The following ATF7IP2 variants were observed in gnomAD, a reference collection of about 807,000 sequenced individuals.
ATF7IP2 encodes the protein activating transcription factor 7-interacting protein 2.
ATF7IP2 carries 42 observed loss-of-function variants against 64.2 expected under a neutral mutation model. The observed-to-expected ratio is 0.65, with a 90% CI of 0.51 to 0.85. The LOEUF is 0.85. Ranked by LOEUF, ATF7IP2 falls within the 40% of genes least tolerant of loss-of-function variation. The pLI, the probability that ATF7IP2 is intolerant of heterozygous loss-of-function variation, is 0.00. For missense variants in ATF7IP2, 933 were observed against 784.2 expected (o/e 1.19, Z -2.27); for synonymous variants, 308 against 272.8 (o/e 1.13, Z -1.27).
At chr16:10,400,133 C>T (rs568561307) in intron 1 of ATF7IP2, among the ~76,000 whole-genome samples, 5 of 152,268 alleles carry the variant, frequency 3.3e-5, no homozygotes, top group South Asian at 2.1e-4. Flanking sequence ...TTCCATCGCC[C>T]GGGCTCAAGC....
chr16:10,437,884 A>C (rs1171473917), intron 6 of ATF7IP2, among the ~76,000 whole-genome samples: 3 of 152,242 alleles, frequency 2.0e-5, no homozygotes, highest in African/African-American at 7.2e-5. Flanking sequence ...TTTAATTTCT[A>C]ACATGTCCAG....
rs190575813 is a variant in ATF7IP2 at position 10,459,251 on chromosome 16, G to A, written c.1352+1722G>A. 1.9e-3 allele frequency among the ~76,000 whole-genome samples: 291 copies of A among 152,128 alleles called. 1 individual carries two copies. The highest frequency in any genetic ancestry group is 6.1e-3 in the African/African-American group (255 of 41,498). On this transcript the variant is annotated intron_variant, in intron 9 of 13. Transcript: ENST00000562102. The stretch of plus-strand genomic sequence containing the variant: ...TCGGAGGCCTAGGTGGGTGGATCAC[G>A]AGGTCAGGAGATGAAGACCATCCTG...
At chr16:10,408,448 T>A (rs2047686570) in intron 1 of ATF7IP2, among the ~76,000 whole-genome samples, 1 of 152,210 alleles carries the variant, frequency 6.6e-6, no homozygotes, top group Non-Finnish European at 1.5e-5. Flanking sequence ...CTAGTTTACA[T>A]TCCCACCAGC....
chr16:10,399,617 TAATGC>T (rs1410049141), intron 1 of ATF7IP2, among the ~76,000 whole-genome samples: 3 of 152,252 alleles, frequency 2.0e-5, no homozygotes, highest in African/African-American at 7.2e-5. Flanking sequence ...AGAAGTCAGG[TAATGC>T]AATATCTTCA....
rs866400988 is a variant in ATF7IP2 at position 10,412,024 on chromosome 16, T to G, written c.-241-2550T>G. 5.3e-4 allele frequency among the ~76,000 whole-genome samples: 77 copies of G among 145,456 alleles called. 1 individual carries two copies. The highest frequency in any genetic ancestry group is 7.0e-3 in the Middle Eastern group (2 of 284). On this transcript the variant is annotated intron_variant, in intron 1 of 13. Coordinates refer to ENST00000562102, the MANE Select transcript of ATF7IP2 (RefSeq NM_001393719.1). ...TATCTTTTTTTGTTTTTTTTTTTTT[T>G]TTTTTTTTTTTTTTTACACTTTTAA...
At chr16:10,463,565 A>G (rs544155649) in intron 9 of ATF7IP2, among the ~76,000 whole-genome samples, 5 of 152,290 alleles carry the variant, frequency 3.3e-5, no homozygotes, top group African/African-American at 1.2e-4. Flanking sequence ...AGCTATGTGA[A>G]CAAGCCGTTT....
intron 1 of ATF7IP2, among the ~76,000 whole-genome samples, chr16:10,408,111 A>C (rs2353907): frequency 0.79 from 120,508 of 151,848 alleles, 48,675 homozygotes; most frequent in African/African-American, 0.95. Flanking sequence ...GGGGTTTCAC[A>C]ATGTTGGCCA....
At chr16:10,467,673 T>G (rs1300113799) in intron 9 of ATF7IP2, among the ~76,000 whole-genome samples, 3 of 151,786 alleles carry the variant, frequency 2.0e-5, no homozygotes, top group Non-Finnish European at 4.4e-5. Context: ...TTCAAGCGAT[T>G]CTCCTGCCTC....
chr16:10,428,097 CTG>C (rs369658330), intron 3 of ATF7IP2, among the ~76,000 whole-genome samples: 149 of 152,102 alleles, frequency 9.8e-4, no homozygotes, highest in African/African-American at 3.5e-3. Context: ...TATGATGAAA[CTG>C]TAGAAAAAGT....
intron 1 of ATF7IP2, among the ~76,000 whole-genome samples, chr16:10,397,258 A>G (rs896763512): frequency 5.3e-5 from 8 of 152,134 alleles, no homozygotes; most frequent in African/African-American, 9.7e-5. Flanking sequence ...ATTGTCTAGT[A>G]TGATCCCTCC....
chr16:10,409,671 C>T (rs2016321), intron 1 of ATF7IP2, among the ~76,000 whole-genome samples: 87,302 of 152,066 alleles, frequency 0.57, 25,282 homozygotes, highest in East Asian at 0.76. Flanking sequence ...ATGATCCGCC[C>T]GCCTGGGCCT....
chr16:10,441,618 A>T (rs531637754), intron 8 of ATF7IP2, among the ~76,000 whole-genome samples: 195 of 152,030 alleles, frequency 1.3e-3, no homozygotes, highest in African/African-American at 4.5e-3. Flanking sequence ...TTGTAAATTT[A>T]AGTTCTTTAT....
chr16:10,425,709 C>T (rs1463536244), intron 3 of ATF7IP2, among the ~76,000 whole-genome samples: 1 of 152,038 alleles, frequency 6.6e-6, no homozygotes, highest in East Asian at 1.9e-4. Flanking sequence ...GCCTGACCAA[C>T]ACTGAGGAAC....
Position 10,480,919 on chromosome 16 carries a change from T to G in ATF7IP2, c.1590T>G (p.Ala530=). The change falls in exon 13 of 14, where the codon GCT becomes GCG. Residue 530 remains alanine (A), a synonymous_variant. Transcript: ENST00000562102. ...CCCTGGAGTCACATTCGAAAGCTGC[T>G]TCAAACTCAAAGGAAACAACCCCAT... ...VSPLESHSKA[A]SNSKETTPLA... 6.2e-7 allele frequency: 1 copy of G among 1,613,364 alleles called. No individual in the cohort carries two copies.
intron 8 of ATF7IP2, among the ~76,000 whole-genome samples, chr16:10,451,794 C>A (rs1309017348): frequency 6.6e-6 from 1 of 151,972 alleles, no homozygotes; most frequent in African/African-American, 2.4e-5. Context: ...TACACTGGCT[C>A]ACACCTGTAA....
intron 1 of ATF7IP2, among the ~76,000 whole-genome samples, chr16:10,400,313 T>G (rs781671958): frequency 3.3e-5 from 5 of 152,218 alleles, no homozygotes; most frequent in African/African-American, 4.8e-5. Context: ...AGTGTTGGGA[T>G]TACAGGCATT....
At chr16:10,465,398 A>G (rs1470137239) in intron 9 of ATF7IP2, among the ~76,000 whole-genome samples, 2 of 152,020 alleles carry the variant, frequency 1.3e-5, no homozygotes, top group African/African-American at 4.8e-5. Context: ...AGTCACACTC[A>G]GGCTTCCATA....
Position 10,431,134 on chromosome 16 carries a change from AG to A in ATF7IP2, c.515del (p.Ser172MetfsTer3). ...TCTAAAGTCCAGTTGCTGTCCACCC[AG>A]TGTATTGAGTGGTGTTGTTCAGATG... ...CSLKSSCCPP[S>X]VLSGVVQMPE... On this transcript the variant is annotated frameshift_variant, in exon 5 of 14. Coordinates refer to ENST00000562102, the MANE Select transcript of ATF7IP2 (RefSeq NM_001393719.1). LOFTEE classifies it high-confidence loss of function. 1 of 1,614,174 alleles carries A rather than the reference AG, an allele frequency of 6.2e-7. No homozygotes were observed. The highest frequency in any genetic ancestry group is 8.5e-7 in the Non-Finnish European group (1 of 1,180,028).
At chr16:10,458,458 TTG>T (rs1255829586) in intron 9 of ATF7IP2, among the ~76,000 whole-genome samples, 2 of 152,244 alleles carry the variant, frequency 1.3e-5, no homozygotes, top group Non-Finnish European at 2.9e-5. Context: ...TAGCCATGGT[TTG>T]TGTCTTTTAT....
Sources: gnomAD v4.1 joint callset for allele counts (sites outside exome capture counted in the v4.1 genomes callset) on GRCh38, gnomAD v4.1.1 for gene constraint, MANE v1.5 for transcripts, NCBI Gene and HGNC (gene_info 2026-07-23, HGNC 2026-07-21) for gene names.